CFAP47: variants seen among roughly 807,000 people sequenced by gnomAD.
The protein encoded by CFAP47 is cilia and flagella associated protein 47, also known as cilia- and flagella-associated protein 47.
A neutral mutation model predicts 148.1 loss-of-function variants in CFAP47; 29 were observed. The ratio of observed to expected loss-of-function variants is 0.20; its 90% CI spans 0.15 to 0.27. The LOEUF (loss-of-function observed/expected upper bound fraction) is 0.27, where lower values mean the gene tolerates loss of function less well. CFAP47 is among the 10% of genes least tolerant of loss of function. The pLI, the probability that CFAP47 is intolerant of heterozygous loss-of-function variation, is 1.00. For synonymous variants in CFAP47, 664 were observed against 577.3 expected (o/e 1.15, Z -2.15); for missense variants, 1,872 against 1,697.5 (o/e 1.10, Z -1.81).
chrX:36,096,233 TA>T (rs1193016000), intron 30 of CFAP47, among the ~76,000 whole-genome samples: 1 of 111,598 alleles, frequency 9.0e-6, no homozygotes, highest in Non-Finnish European at 1.9e-5. Context: ...TGTTTATATA[TA>T]ATTGAATGTT....
At chrX:36,218,280 G>A (rs1233680761) in intron 45 of CFAP47, among the ~76,000 whole-genome samples, 1 of 112,076 alleles carries the variant, frequency 8.9e-6, no homozygotes, top group African/African-American at 3.2e-5. Flanking sequence ...TCTTACATCA[G>A]TTGTTCTCTT....
intron 11 of CFAP47, 38 bp from the exon 12 acceptor site, chrX:35,971,548 A>C: frequency 1.1e-6 from 1 of 906,302 alleles, no homozygotes; most frequent in Non-Finnish European, 1.5e-6. Flanking sequence ...GAATGACTTG[A>C]CCTCAATTAC....
intron 26 of CFAP47, among the ~76,000 whole-genome samples, chrX:36,051,584 T>C (rs1937520527): frequency 9.0e-6 from 1 of 111,553 alleles, no homozygotes; most frequent in African/African-American, 3.3e-5. Flanking sequence ...CCCCATTATA[T>C]CTAGGAAGTA....
At chrX:36,351,889 T>G (rs1250678374) in intron 59 of CFAP47, among the ~76,000 whole-genome samples, 1 of 112,089 alleles carries the variant, frequency 8.9e-6, no homozygotes, top group Non-Finnish European at 1.9e-5. Flanking sequence ...TGTAGTCCAT[T>G]TTTTGTTCTT....
intron 49 of CFAP47, among the ~76,000 whole-genome samples, chrX:36,267,251 T>C (rs1556001170): frequency 9.0e-6 from 1 of 111,438 alleles, no homozygotes; most frequent in African/African-American, 3.3e-5. Flanking sequence ...AAATATGATA[T>C]GGGCATATGG....
At chrX:35,927,031 T>C (rs756089554) in intron 2 of CFAP47, among the ~76,000 whole-genome samples, 24 of 108,645 alleles carry the variant, frequency 2.2e-4, no homozygotes, top group Non-Finnish European at 3.6e-4. Context: ...GGCGCATGAC[T>C]GTAGTCCCAG....
chrX:36,333,347 C>T (rs1318038884), intron 57 of CFAP47, among the ~76,000 whole-genome samples: 1 of 110,635 alleles, frequency 9.0e-6, no homozygotes, highest in African/African-American at 3.3e-5. Context: ...TGAACTTTCT[C>T]TATACTTTCT....
chrX:36,204,241 G>A (rs1489248833), intron 44 of CFAP47, among the ~76,000 whole-genome samples: 6 of 111,682 alleles, frequency 5.4e-5, no homozygotes, highest in Non-Finnish European at 1.1e-4. Context: ...CTGTGCAGAA[G>A]CTCTTTAGTT....
At chrX:36,149,267 C>A in intron 37 of CFAP47, 44 bp downstream of exon 37, 1 of 284,985 alleles carries the variant, frequency 3.5e-6, no homozygotes, top group South Asian at 2.1e-4. Context: ...ATATCAACCC[C>A]AAATATTTAA....
intron 2 of CFAP47, among the ~76,000 whole-genome samples, chrX:35,930,773 G>A (rs1414635601): frequency 9.0e-6 from 1 of 111,498 alleles, no homozygotes; most frequent in Non-Finnish European, 1.9e-5. Flanking sequence ...ATAATAAGCT[G>A]CTGCATCTGT....
chrX:36,324,304 G>T (rs1408287319), intron 57 of CFAP47, among the ~76,000 whole-genome samples: 1 of 111,308 alleles, frequency 9.0e-6, no homozygotes, highest in Non-Finnish European at 1.9e-5. Context: ...ATCGTACTGG[G>T]TCATCTGACT....
At chrX:36,236,465 C>T (rs1325569827) in intron 47 of CFAP47, among the ~76,000 whole-genome samples, 2 of 112,058 alleles carry the variant, frequency 1.8e-5, no homozygotes, top group Non-Finnish European at 3.8e-5. Flanking sequence ...TATATACACT[C>T]TGTAATTTAG....
intron 23 of CFAP47, among the ~76,000 whole-genome samples, chrX:36,032,333 C>T (rs1300967881): frequency 9.1e-6 from 1 of 109,605 alleles, no homozygotes; most frequent in African/African-American, 3.3e-5. Flanking sequence ...CTCTAATCTT[C>T]TACTTAAACT....
chrX:35,938,092 A>G (rs1314519915), intron 2 of CFAP47, among the ~76,000 whole-genome samples: 1 of 111,797 alleles, frequency 8.9e-6, no homozygotes, highest in African/African-American at 3.2e-5. Context: ...AGTGAGTGTT[A>G]CGATTTAAAA....
chrX:36,249,238 CA>C (rs1366553993), intron 48 of CFAP47, among the ~76,000 whole-genome samples: 2 of 109,936 alleles, frequency 1.8e-5, no homozygotes, highest in Non-Finnish European at 3.8e-5. Flanking sequence ...CCAATAAAAA[CA>C]AAAGTTAGTT....
At chrX:36,040,025 A>G (rs1937384163) in intron 25 of CFAP47, among the ~76,000 whole-genome samples, 1 of 111,707 alleles carries the variant, frequency 9.0e-6, no homozygotes, top group African/African-American at 3.3e-5. Flanking sequence ...CCTCTATCCA[A>G]TAGTGTTCCT....
chrX:36,303,540 A>G (rs782073496), intron 53 of CFAP47, among the ~76,000 whole-genome samples: 1 of 109,653 alleles, frequency 9.1e-6, no homozygotes, highest in South Asian at 4.0e-4. Flanking sequence ...CTTGAGATAC[A>G]TCACTCTAAT....
At chrX:36,181,365 G>A (rs1240673504) in intron 40 of CFAP47, among the ~76,000 whole-genome samples, 1 of 110,330 alleles carries the variant, frequency 9.1e-6, no homozygotes, top group Non-Finnish European at 1.9e-5. Flanking sequence ...TTGTGGTAGT[G>A]CTCCCCAAAT....
chrX:36,342,111 A>G (rs1206977707), intron 57 of CFAP47, among the ~76,000 whole-genome samples: 1 of 111,701 alleles, frequency 9.0e-6, no homozygotes, highest in Non-Finnish European at 1.9e-5. Context: ...GAAGATACAA[A>G]CAACTGATGT....
Sources: gnomAD v4.1 joint callset for allele counts (sites outside exome capture counted in the v4.1 genomes callset) on GRCh38, gnomAD v4.1.1 for gene constraint, MANE v1.5 for transcripts, NCBI Gene and HGNC (gene_info 2026-07-23, HGNC 2026-07-21) for gene names.